Variants in MAN1A1 observed in about 807,000 individuals in gnomAD.
The protein encoded by MAN1A1 is mannosyl-oligosaccharide 1,2-alpha-mannosidase IA.
MAN1A1 carries 29 observed loss-of-function variants against 70.8 expected under a neutral mutation model. That is an observed-to-expected ratio of 0.41 (90% CI 0.31 to 0.56). The LOEUF (loss-of-function observed/expected upper bound fraction) is 0.56, where lower values mean the gene tolerates loss of function less well. MAN1A1 is among the 20% of genes least tolerant of loss of function. The pLI, the probability that MAN1A1 is intolerant of heterozygous loss-of-function variation, is 0.29. For synonymous variants in MAN1A1, 349 were observed against 330.1 expected (o/e 1.06, Z -0.62); for missense variants, 747 against 841.3 (o/e 0.89, Z 1.39).
At chr6:119,300,245 GTT>G (rs1349081623) in intron 4 of MAN1A1, among the ~76,000 whole-genome samples, 1 of 150,822 alleles carries the variant, frequency 6.6e-6, no homozygotes, top group East Asian at 1.9e-4. Context: ...AAGTTTTTTT[GTT>G]TTGTTTTGTT....
intron 8 of MAN1A1, among the ~76,000 whole-genome samples, chr6:119,198,749 C>T (rs1337096192): frequency 6.6e-6 from 1 of 152,170 alleles, no homozygotes; most frequent in Non-Finnish European, 1.5e-5. Context: ...CATGTCTGCC[C>T]TACTTTCAAT....
chr6:119,274,843 T>C (rs1451865011), intron 5 of MAN1A1, among the ~76,000 whole-genome samples: 1 of 152,178 alleles, frequency 6.6e-6, no homozygotes, highest in Non-Finnish European at 1.5e-5. Context: ...ACTCTATTGA[T>C]GAAAAGAGTC....
intron 4 of MAN1A1, among the ~76,000 whole-genome samples, chr6:119,295,016 C>T (rs1424995084): frequency 6.6e-6 from 1 of 152,020 alleles, no homozygotes; most frequent in Non-Finnish European, 1.5e-5. Context: ...GTGACAAAGA[C>T]TGCTAACATG....
chr6:119,192,106 T>C (rs117072574), intron 9 of MAN1A1, among the ~76,000 whole-genome samples: 1,590 of 152,262 alleles, frequency 0.01, 19 homozygotes, highest in Non-Finnish European at 0.014. Context: ...GTTGTGTGGG[T>C]ATGGTTTTAG....
intron 6 of MAN1A1, among the ~76,000 whole-genome samples, chr6:119,239,528 T>C (rs972277161): frequency 6.6e-6 from 1 of 152,230 alleles, no homozygotes; most frequent in Admixed American, 6.5e-5. Context: ...ATATTTTATA[T>C]TGACCCTCCA....
chr6:119,185,585 T>C (rs1433519848), intron 11 of MAN1A1, among the ~76,000 whole-genome samples: 1 of 152,044 alleles, frequency 6.6e-6, no homozygotes, highest in Admixed American at 6.5e-5. Context: ...AGTTTTTCTT[T>C]ATTTTTTTGG....
rs117529937 is a variant in MAN1A1 at position 119,185,295 on chromosome 6, C to T, written c.1719+3110G>A. ...CCTGTGATTAATGGAGTGCTGTTAA[C>T]CCACAAAAGAACTCTCTAGTGTTGT... is the stretch of plus-strand genomic sequence containing the variant. On this transcript the variant is annotated intron_variant, in intron 11 of 12. Coordinates refer to ENST00000368468, the MANE Select transcript of MAN1A1 (RefSeq NM_005907.4). Among the ~76,000 whole-genome samples, 183 of 152,308 alleles carry T rather than the reference C, an allele frequency of 1.2e-3. 1 individual carries two copies. The highest frequency in any genetic ancestry group is 3.4e-3 in the Middle Eastern group (1 of 294).
intron 2 of MAN1A1, among the ~76,000 whole-genome samples, chr6:119,346,798 G>A (rs917917070): frequency 1.3e-5 from 2 of 152,182 alleles, no homozygotes; most frequent in Non-Finnish European, 2.9e-5. Flanking sequence ...CTGGCAGCTC[G>A]TATGACTTTG....
chr6:119,344,736 G>T (rs3798655), intron 2 of MAN1A1, among the ~76,000 whole-genome samples: 18,142 of 152,216 alleles, frequency 0.12, 1,519 homozygotes, highest in Admixed American at 0.25. Context: ...TACCAAAAGG[G>T]TATAAACTGT....
In MAN1A1 at chr6:119,339,938, A is replaced by G. The variant is rs553695346; in HGVS notation, c.603+8525T>C. On this transcript the variant is annotated intron_variant, in intron 2 of 12. Transcript: ENST00000368468. ...AAACCTTGCCTCTACCAAAAATACA[A>G]AAATTAGCCAAGCATGGTGGCAGGT... 3.9e-5 allele frequency among the ~76,000 whole-genome samples: 6 copies of G among 152,244 alleles called. No individual in the cohort carries two copies. In the South Asian group the frequency reaches 1.0e-3, roughly 26 times the overall value.
At chr6:119,210,982 A>G in intron 6 of MAN1A1, 1 of 440,118 alleles carries the variant, frequency 2.3e-6, no homozygotes, top group South Asian at 1.7e-5. Context: ...GGAGAAATCT[A>G]CACACAATCA....
At chr6:119,234,194 A>G (rs1037290319) in intron 6 of MAN1A1, among the ~76,000 whole-genome samples, 5 of 152,222 alleles carry the variant, frequency 3.3e-5, no homozygotes, top group African/African-American at 1.2e-4. Context: ...ATTTTGAAAG[A>G]AACTCATTCT....
intron 2 of MAN1A1, among the ~76,000 whole-genome samples, chr6:119,308,543 G>A (rs1250893266): frequency 6.6e-6 from 1 of 152,144 alleles, no homozygotes; most frequent in Non-Finnish European, 1.5e-5. Flanking sequence ...CTTACAGGAT[G>A]CATGTAAGGA....
intron 2 of MAN1A1, among the ~76,000 whole-genome samples, chr6:119,342,987 T>C (rs1773636854): frequency 6.6e-6 from 1 of 152,282 alleles, no homozygotes; most frequent in South Asian, 2.1e-4. Context: ...CTGTGCTTCT[T>C]GGAGAGATCT....
chr6:119,266,449 C>A (rs1157616165), intron 5 of MAN1A1, among the ~76,000 whole-genome samples: 1 of 151,954 alleles, frequency 6.6e-6, no homozygotes, highest in Non-Finnish European at 1.5e-5. Context: ...GTCAATTGAT[C>A]TTTGACAAAG....
At chr6:119,241,880 G>A (rs1476356752) in intron 6 of MAN1A1, among the ~76,000 whole-genome samples, 3 of 151,978 alleles carry the variant, frequency 2.0e-5, no homozygotes, top group African/African-American at 4.8e-5. Context: ...GGAAGGGAAA[G>A]ATGAAGGCAG....
intron 6 of MAN1A1, among the ~76,000 whole-genome samples, chr6:119,225,347 A>G (rs999456881): frequency 6.6e-6 from 1 of 151,914 alleles, no homozygotes; most frequent in Non-Finnish European, 1.5e-5. Context: ...GGCTGAAATG[A>G]AGTGCCATTG....
chr6:119,307,729 T>C (rs140366848), intron 2 of MAN1A1, among the ~76,000 whole-genome samples: 3 of 152,250 alleles, frequency 2.0e-5, no homozygotes, highest in Admixed American at 6.5e-5. Context: ...AAAGAACACA[T>C]ATAATTATTT....
intron 5 of MAN1A1, chr6:119,269,592 G>A (rs1163319492): frequency 5.4e-6 from 1 of 186,168 alleles, no homozygotes. Flanking sequence ...TGCCAAAAAT[G>A]TTGATGCCTT....
Sources: gnomAD v4.1 joint callset for allele counts (sites outside exome capture counted in the v4.1 genomes callset) on GRCh38, gnomAD v4.1.1 for gene constraint, MANE v1.5 for transcripts, NCBI Gene and HGNC (gene_info 2026-07-23, HGNC 2026-07-21) for gene names.